Variants in S100PBP observed in about 807,000 individuals in gnomAD.
S100PBP encodes S100P binding protein, also known as S100P-binding protein.
Under a neutral mutation model 39.9 loss-of-function variants are expected in S100PBP, and 15 were observed. The ratio of observed to expected loss-of-function variants is 0.38; its 90% CI spans 0.25 to 0.58. The LOEUF is 0.58. Among genes scored for constraint, S100PBP ranks in the 20% least tolerant of loss-of-function variants. S100PBP has a pLI of 0.70. For missense variants in S100PBP, 504 were observed against 487.3 expected (o/e 1.03, Z -0.32); for synonymous variants, 178 against 180.3 (o/e 0.99, Z 0.10).
At chr1:32,819,651 TAGAC>T (rs1390244834) in intron 1 of S100PBP, among the ~76,000 whole-genome samples, 1 of 152,180 alleles carries the variant, frequency 6.6e-6, no homozygotes, top group Non-Finnish European at 1.5e-5. Flanking sequence ...TGGTAGATGG[TAGAC>T]AGAGAAGTAA....
At chr1:32,845,533 C>T (rs1454058963) in intron 5 of S100PBP, among the ~76,000 whole-genome samples, 2 of 152,028 alleles carry the variant, frequency 1.3e-5, no homozygotes, top group Non-Finnish European at 2.9e-5. Context: ...GCATGAGTCA[C>T]CATGCCTGGC....
intron 6 of S100PBP, 26 bp from the exon 7 acceptor site, chr1:32,855,897 CT>C (rs1435062503): frequency 6.6e-7 from 1 of 1,526,094 alleles, no homozygotes; most frequent in East Asian, 2.3e-5. Flanking sequence ...AATAGCCTTC[CT>C]GTTTGTACTC....
intron 1 of S100PBP, among the ~76,000 whole-genome samples, chr1:32,822,195 G>A (rs751807204): frequency 6.6e-6 from 1 of 152,186 alleles, no homozygotes; most frequent in Non-Finnish European, 1.5e-5. Flanking sequence ...GGTGGGAAGT[G>A]GATGGGGCAA....
intron 6 of S100PBP, among the ~76,000 whole-genome samples, 174 bp from the exon 7 acceptor site, chr1:32,855,750 A>T (rs1022269845): frequency 1.3e-5 from 2 of 152,240 alleles, no homozygotes; most frequent in Non-Finnish European, 2.9e-5. Context: ...TGTGGTGTTC[A>T]TATAAATGAA....
chr1:32,855,306 G>A (rs915156884), intron 6 of S100PBP, among the ~76,000 whole-genome samples: 1 of 152,036 alleles, frequency 6.6e-6, no homozygotes, highest in Non-Finnish European at 1.5e-5. Context: ...TAGATTATTA[G>A]GAGCACTTTC....
upstream of S100PBP, chr1:32,817,020 G>C (rs1245159181): frequency 1.2e-6 from 1 of 829,084 alleles, no homozygotes; most frequent in African/African-American, 1.7e-5. Context: ...CCAGGGAAGG[G>C]CTGCTTGATT....
At chr1:32,834,984 A>G (rs564508085) in intron 5 of S100PBP, 3 of 152,054 alleles carry the variant, frequency 2.0e-5, no homozygotes, top group East Asian at 1.9e-4. Context: ...TACTAAAAAT[A>G]TAAAAATTAG....
chr1:32,839,819 T>C (rs758274113), intron 5 of S100PBP, among the ~76,000 whole-genome samples: 4 of 152,098 alleles, frequency 2.6e-5, no homozygotes, highest in Non-Finnish European at 4.4e-5. Flanking sequence ...CTATTTTCTT[T>C]TACTTATTTG....
chr1:32,852,871 G>C (rs1640668518), intron 5 of S100PBP: 1 of 514,994 alleles, frequency 1.9e-6, no homozygotes, highest in African/African-American at 2.0e-5. Flanking sequence ...ATGAATGAAT[G>C]GTGGCTGCTA....
upstream of S100PBP, chr1:32,817,129 A>G: frequency 6.2e-7 from 1 of 1,607,526 alleles, no homozygotes. Context: ...TGGGGCTCAA[A>G]ATCACTGAAC....
chr1:32,818,347 T>G (rs186306566), intron 1 of S100PBP, among the ~76,000 whole-genome samples: 155 of 152,322 alleles, frequency 1.0e-3, no homozygotes, highest in African/African-American at 3.4e-3. Flanking sequence ...CCTCCAAAGG[T>G]TGGGCCTGGG....
intron 5 of S100PBP, among the ~76,000 whole-genome samples, chr1:32,846,478 ATTTGTTT>A (rs1640383902): frequency 6.7e-6 from 1 of 148,438 alleles, no homozygotes; most frequent in Admixed American, 6.8e-5. Flanking sequence ...CTTGTTTTCT[ATTTGTTT>A]TTTGTTTCCA....
intron 3 of S100PBP, 84 bp from the exon 4 acceptor site, chr1:32,827,909 A>G: frequency 3.1e-6 from 3 of 963,724 alleles, no homozygotes; most frequent in Non-Finnish European, 4.9e-6. Context: ...TTTAGTTAAA[A>G]AATATTTCCA....
chr1:32,826,522 G>T lies in S100PBP; in HGVS notation c.423G>T (p.Lys141Asn), dbSNP rs779805912. Residue 141 changes from lysine (K) to asparagine (N), a missense_variant, in exon 3 of 7, where the codon AAG (lysine) becomes AAT (asparagine). Transcript: ENST00000373475. ...TAAACAGACGCTCTGTACTAGAAAA[G>T]AATCTTATAAAAGTAACTGTTGCAC... ...KPLNRRSVLE[K>N]NLIKVTVAPF... 1.2e-6 allele frequency: 2 copies of T among 1,614,064 alleles called. No individual in the cohort carries two copies. The highest frequency in any genetic ancestry group is 1.1e-5 in the South Asian group (1 of 91,078).
rs1569846221 is a variant in S100PBP at position 32,826,225 on chromosome 1, AG to A, written c.127del (p.Glu43ArgfsTer9). ...TGGATGACTCCTTGCTGGAGCTGTC[AG>A]AGGGAGAAGAAGATGATGGTGATGT... ...GLDDSLLELSEGEEDDGDVNY... is the reference protein window; with the variant it reads ...GLDDSLLELSXGEEDDGDVNY... On this transcript the variant is annotated frameshift_variant, in exon 3 of 7. Transcript: ENST00000373475. LOFTEE classifies it high-confidence loss of function. 1 of 1,614,176 alleles carries A rather than the reference AG, an allele frequency of 6.2e-7. No individual in the cohort carries two copies.
At chr1:32,842,351 G>A (rs1640158256) in intron 5 of S100PBP, among the ~76,000 whole-genome samples, 1 of 150,558 alleles carries the variant, frequency 6.6e-6, no homozygotes, top group East Asian at 2.0e-4. Flanking sequence ...TGTCCATTCT[G>A]CATTGAATTG....
chr1:32,829,878 C>T (rs1447101986), intron 4 of S100PBP, 86 bp from the exon 5 acceptor site: 3 of 861,002 alleles, frequency 3.5e-6, no homozygotes, highest in African/African-American at 1.7e-5. Flanking sequence ...TCTAATCAAT[C>T]AGCAGTATAT....
intron 5 of S100PBP, chr1:32,842,973 T>TAC (rs1640188448): frequency 6.6e-6 from 1 of 152,232 alleles, no homozygotes; most frequent in African/African-American, 2.4e-5. Flanking sequence ...GTAGCTTTTG[T>TAC]ACAGTCTTGC....
intron 2 of S100PBP, 72 bp downstream of exon 2, chr1:32,825,501 T>A (rs1639282511): frequency 6.6e-6 from 1 of 152,290 alleles, no homozygotes. Context: ...ACATTTTTGT[T>A]TTGTGTTAAA....
Sources: allele counts gnomAD v4.1 joint callset (sites outside exome capture counted in the v4.1 genomes callset), GRCh38; gene constraint gnomAD v4.1.1; transcripts MANE v1.5; gene names NCBI Gene and HGNC (gene_info 2026-07-23, HGNC 2026-07-21).